Variants in NR6A1 observed in about 807,000 individuals in gnomAD.
NR6A1 encodes the protein nuclear receptor subfamily 6 group A member 1, also known as retinoic acid receptor-related testis-associated receptor.
NR6A1 carries 7 observed loss-of-function variants against 59.1 expected under a neutral mutation model. The observed-to-expected ratio is 0.12, with a 90% CI of 0.07 to 0.22. The LOEUF (loss-of-function observed/expected upper bound fraction) is 0.22. NR6A1 is among the 10% of genes least tolerant of loss of function. The pLI, the probability that NR6A1 is intolerant of heterozygous loss-of-function variation, is 1.00. For missense variants in NR6A1, 468 were observed against 611.6 expected (o/e 0.77, Z 2.48); for synonymous variants, 243 against 236.1 (o/e 1.03, Z -0.27).
At chr9:124,590,513 C>T (rs1182248368) in intron 2 of NR6A1, among the ~76,000 whole-genome samples, 1 of 152,144 alleles carries the variant, frequency 6.6e-6, no homozygotes, top group Admixed American at 6.5e-5. Flanking sequence ...ATTTTTCCTT[C>T]TTTGTAGATC....
rs1036968193 is a variant in NR6A1, at chr9:124,525,033, C to T, written c.1202-160G>A. The stretch of plus-strand genomic sequence containing the variant: ...TCTGATAGGGAGGAACTAAGTTCTA[C>T]CTAAGGGAAGAGAAATGAAGAGAGA... On this transcript the variant is annotated intron_variant, in intron 8 of 9. Transcript: ENST00000487099. 5.3e-5 allele frequency among the ~76,000 whole-genome samples: 8 copies of T among 151,930 alleles called. No individual in the cohort carries two copies. In the South Asian group the frequency reaches 1.7e-3, roughly 32 times the overall value.
chr9:124,608,355 G>A (rs763647603), intron 2 of NR6A1, among the ~76,000 whole-genome samples: 5 of 151,452 alleles, frequency 3.3e-5, no homozygotes, highest in East Asian at 1.9e-4. Flanking sequence ...GTGTGTTCAC[G>A]TTGTTTAGCT....
chr9:124,714,910 T>C (rs1448043664), intron 2 of NR6A1, among the ~76,000 whole-genome samples: 1 of 152,034 alleles, frequency 6.6e-6, no homozygotes, highest in East Asian at 1.9e-4. Context: ...ATTAGAAGAC[T>C]CAACATTGGC....
intron 3 of NR6A1, among the ~76,000 whole-genome samples, chr9:124,551,411 C>T (rs1833774106): frequency 6.6e-6 from 1 of 152,178 alleles, no homozygotes; most frequent in African/African-American, 2.4e-5. Flanking sequence ...TAACTTCTTT[C>T]TTTCTCTGAT....
chr9:124,703,577 G>A (rs1360837045), intron 2 of NR6A1, among the ~76,000 whole-genome samples: 2 of 152,006 alleles, frequency 1.3e-5, no homozygotes, highest in African/African-American at 2.4e-5. Context: ...ATACAAGCCT[G>A]TATTCCCAAA....
In NR6A1 at chr9:124,562,774, A is replaced by G. The variant is rs541759252; in HGVS notation, c.143-8204T>C. Among the ~76,000 whole-genome samples the G allele has an allele frequency of 2.6e-5, 4 of 152,340 alleles. No individual in the cohort carries two copies. In the South Asian group the frequency reaches 8.3e-4, roughly 32 times the overall value. ...AAATTCAAAGGAAGTAAAATGATAA[A>G]TAAAGCTGCTGATATGGTTGGCCTA... On this transcript the variant is annotated intron_variant, in intron 2 of 9. Coordinates refer to ENST00000487099, the MANE Select transcript of NR6A1 (RefSeq NM_033334.4).
intron 2 of NR6A1, among the ~76,000 whole-genome samples, chr9:124,628,835 A>C (rs1836334875): frequency 6.6e-6 from 1 of 151,484 alleles, no homozygotes; most frequent in Admixed American, 6.6e-5. Flanking sequence ...TTGTTTTTGG[A>C]TTTTAGTAGA....
intron 8 of NR6A1, among the ~76,000 whole-genome samples, chr9:124,525,284 A>AACACACAC (rs71492413): frequency 0.081 from 11,181 of 137,194 alleles, 687 homozygotes; most frequent in African/African-American, 0.16. Flanking sequence ...ATGCTTGTAA[A>AACACACAC]ACACACACAC....
rs182845546 is a variant in NR6A1, at chr9:124,765,265, C to A, written c.100+5755G>T. Among the ~76,000 whole-genome samples the A allele has an allele frequency of 2.6e-5, 4 of 152,294 alleles. No individual in the cohort carries two copies. The East Asian group carries it at 7.7e-4, about 29-fold the overall frequency. On this transcript the variant is annotated intron_variant, in intron 1 of 9. Coordinates refer to ENST00000487099, the MANE Select transcript of NR6A1 (RefSeq NM_033334.4). ...TAACTTTATTTGTCCCAAACACACA[C>A]TCCTTAAAGAAACTCAGAACACTTG...
At chr9:124,559,160 C>G (rs369604074) in intron 2 of NR6A1, among the ~76,000 whole-genome samples, 3 of 152,234 alleles carry the variant, frequency 2.0e-5, no homozygotes, top group African/African-American at 7.2e-5. Flanking sequence ...TCCTATATTA[C>G]TGAATCTGGA....
rs961370366 is a variant in NR6A1 at position 124,771,210 on chromosome 9, T to C, written c.-91A>G. 1.2e-4 allele frequency: 85 copies of C among 703,244 alleles called. No individual in the cohort carries two copies. Among genetic ancestry groups the C allele is most frequent in the Admixed American group, 2.2e-4 (5 of 22,972 alleles). The allele number at this position is 703,244 out of a possible 1,614,324, so 43.6% of individuals were successfully genotyped here. ...GTCGTCGTCCGCCGAGGGGAGGAGG[T>C]TGTCAGGAGCCCGCGAGCTCCCGGC... On this transcript the variant is annotated 5_prime_UTR_variant, in exon 1 of 10. Transcript: ENST00000487099.
rs541733894 is a variant in NR6A1 at position 124,704,717 on chromosome 9, C to T, written c.142+28591G>A. On this transcript the variant is annotated intron_variant, in intron 2 of 9. Coordinates refer to ENST00000487099, the MANE Select transcript of NR6A1 (RefSeq NM_033334.4). ...ACATTTCATAAATTTTGATATGTTA[C>T]GTTTTCATTTAGTTAAAAAAAATTT... Among the ~76,000 whole-genome samples the T allele has an allele frequency of 8.5e-5, 13 of 152,232 alleles. No individual in the cohort carries two copies. The South Asian group carries it at 1.5e-3, about 17-fold the overall frequency.
intron 2 of NR6A1, among the ~76,000 whole-genome samples, chr9:124,732,134 G>A (rs1472469352): frequency 6.6e-6 from 1 of 152,146 alleles, no homozygotes; most frequent in East Asian, 1.9e-4. Context: ...TACTAATAAG[G>A]AGGGCAGAGG....
chr9:124,558,447 A>C (rs1833987413), intron 2 of NR6A1, among the ~76,000 whole-genome samples: 1 of 152,036 alleles, frequency 6.6e-6, no homozygotes, highest in African/African-American at 2.4e-5. Flanking sequence ...TCAGTGGTAC[A>C]AAAGAAAGGC....
chr9:124,546,686 A>C (rs1410194386), intron 3 of NR6A1, among the ~76,000 whole-genome samples: 1 of 152,254 alleles, frequency 6.6e-6, no homozygotes, highest in Non-Finnish European at 1.5e-5. Flanking sequence ...TATAAACAGC[A>C]GTACCCATTT....
chr9:124,762,657 C>T (rs540189514), intron 1 of NR6A1, among the ~76,000 whole-genome samples: 12 of 152,228 alleles, frequency 7.9e-5, no homozygotes, highest in East Asian at 3.9e-4. Flanking sequence ...ATGTGTAATC[C>T]GTTACATTAA....
chr9:124,728,858 C>A (rs949939250), intron 2 of NR6A1, among the ~76,000 whole-genome samples: 1 of 152,058 alleles, frequency 6.6e-6, no homozygotes, highest in Non-Finnish European at 1.5e-5. Flanking sequence ...GTATAAGTCA[C>A]CTTTCTGTAG....
intron 2 of NR6A1, among the ~76,000 whole-genome samples, chr9:124,613,933 C>T (rs1253056903): frequency 2.6e-5 from 4 of 152,192 alleles, no homozygotes; most frequent in Non-Finnish European, 4.4e-5. Context: ...GGGGCAACTA[C>T]AGAGCTGGAC....
At chr9:124,611,375 A>T (rs1835737839) in intron 2 of NR6A1, among the ~76,000 whole-genome samples, 1 of 152,104 alleles carries the variant, frequency 6.6e-6, no homozygotes, top group Non-Finnish European at 1.5e-5. Flanking sequence ...TTGCTCAGAC[A>T]TCCGTAGGGA....
Sources: gnomAD v4.1 joint callset for allele counts (sites outside exome capture counted in the v4.1 genomes callset) on GRCh38, gnomAD v4.1.1 for gene constraint, MANE v1.5 for transcripts, NCBI Gene and HGNC (gene_info 2026-07-23, HGNC 2026-07-21) for gene names.